Variants in TIPRL observed in about 807,000 individuals in gnomAD.
TIPRL encodes TOR signaling pathway regulator, also known as TIP41-like protein.
TIPRL carries 10 observed loss-of-function variants against 32.3 expected under a neutral mutation model. The observed-to-expected ratio is 0.31, with a 90% confidence interval of 0.19 to 0.52. The LOEUF (loss-of-function observed/expected upper bound fraction) is 0.52, where lower values mean the gene tolerates loss of function less well. TIPRL is among the 20% of genes least tolerant of loss of function. The probability of loss-of-function intolerance (pLI) is 0.96; values close to 1 mark genes in which losing one functional copy is unlikely to be tolerated. For missense variants in TIPRL, 250 were observed against 328.1 expected (o/e 0.76, Z 1.84); for synonymous variants, 100 against 114.0 (o/e 0.88, Z 0.78).
intron 3 of TIPRL, 111 bp downstream of exon 3, chr1:168,184,989 T>C (rs1379297720): frequency 1.2e-5 from 8 of 657,296 alleles, no homozygotes; most frequent in Admixed American, 3.0e-5. Context: ...GTCCTTGTTT[T>C]CTGTTGTGGC....
chr1:168,200,134 C>T lies in TIPRL; in HGVS notation c.*88C>T, dbSNP rs191274194. 7.0e-6 allele frequency: 10 copies of T among 1,420,162 alleles called. No individual in the cohort carries two copies. In the East Asian group the frequency reaches 1.9e-4, roughly 27 times the overall value. The allele number at this position is 1,420,162 out of a possible 1,614,324, so 88.0% of individuals were successfully genotyped here. A position where few individuals can be genotyped will look rare whatever the true frequency, so the allele number is the denominator to read the frequency against. On this transcript the variant is annotated 3_prime_UTR_variant, in exon 7 of 7. Coordinates refer to ENST00000367833, the MANE Select transcript of TIPRL (RefSeq NM_152902.5). ...TTATTTTTATTATGAGAATTAATTG[C>T]CTTGTTTATGTACAGATTTTCTGTA...
intron 2 of TIPRL, among the ~76,000 whole-genome samples, chr1:168,184,522 T>C (rs1700004506): frequency 6.6e-6 from 1 of 152,216 alleles, no homozygotes; most frequent in East Asian, 1.9e-4. Context: ...GTACCTTAGA[T>C]GATACAAATA....
At chr1:168,199,768 AT>A in intron 6 of TIPRL, 134 bp from the exon 7 acceptor site, 1 of 742,548 alleles carries the variant, frequency 1.3e-6, no homozygotes, top group Middle Eastern at 3.4e-4. Context: ...AATACCTATT[AT>A]TTTTAGGAGC....
intron 4 of TIPRL, chr1:168,192,407 T>C: frequency 2.0e-6 from 2 of 1,011,776 alleles, no homozygotes; most frequent in Non-Finnish European, 2.4e-6. Context: ...ATAACAAGTA[T>C]GGTTATTCAT....
Position 168,200,185 on chromosome 1 carries a change from T to A in TIPRL, c.*139T>A. 4.4e-6 allele frequency: 4 copies of A among 903,862 alleles called. No individual in the cohort carries two copies. The highest frequency in any genetic ancestry group is 6.4e-6 in the Non-Finnish European group (4 of 626,952). The allele number at this position is 903,862 out of a possible 1,614,324, so 56.0% of individuals were successfully genotyped here. ...GCCTTAAAGGAAAAAAAAATAAAGA[T>A]CGTTACAGGCAGGTTTCACTCAACT... On this transcript the variant is annotated 3_prime_UTR_variant, in exon 7 of 7. Coordinates refer to ENST00000367833, the MANE Select transcript of TIPRL (RefSeq NM_152902.5).
In TIPRL at chr1:168,198,596, T is replaced by C. The variant is rs541885965; in HGVS notation, c.613-323T>C. On this transcript the variant is annotated intron_variant, in intron 5 of 6. Transcript: ENST00000367833. ...TGAAGTAATTTTAAAATCTCTTGCA[T>C]ATTTCATTTATACAAATTCATTATA... 5.9e-5 allele frequency among the ~76,000 whole-genome samples: 9 copies of C among 152,348 alleles called. No homozygotes were observed. The South Asian group carries it at 1.7e-3, about 28-fold the overall frequency.
chr1:168,200,642 A>G lies in TIPRL; in HGVS notation c.*596A>G, dbSNP rs1400589088. On this transcript the variant is annotated 3_prime_UTR_variant, in exon 7 of 7. Transcript: ENST00000367833. ...AAAATTTAGACTTAGTACCAGAACC[A>G]AAAATACCTAGATTTTTGGAGAACT... The G allele has an allele frequency of 2.0e-5, 3 of 152,198 alleles. No individual in the cohort carries two copies. The East Asian group carries it at 5.8e-4, about 29-fold the overall frequency. The allele number at this position is 152,198 out of a possible 1,614,324, so 9.4% of individuals were successfully genotyped here.
intron 4 of TIPRL, among the ~76,000 whole-genome samples, chr1:168,194,077 A>G (rs1254740965): frequency 6.6e-6 from 1 of 152,216 alleles, no homozygotes; most frequent in Non-Finnish European, 1.5e-5. Context: ...GAAAAAGTAT[A>G]ATCTTTCCTT....
chr1:168,191,162 A>G (rs1450204768), intron 3 of TIPRL, among the ~76,000 whole-genome samples: 1 of 152,172 alleles, frequency 6.6e-6, no homozygotes, highest in Non-Finnish European at 1.5e-5. Flanking sequence ...AAGCTATAAT[A>G]TTGGGCATCT....
chr1:168,192,841 G>C (rs540275621), intron 4 of TIPRL, among the ~76,000 whole-genome samples: 11 of 150,124 alleles, frequency 7.3e-5, no homozygotes, highest in Admixed American at 2.7e-4. Context: ...AGCCGAGATC[G>C]TGCCACTGCA....
At chr1:168,194,432 T>C (rs1033566206) in intron 4 of TIPRL, among the ~76,000 whole-genome samples, 21 of 152,228 alleles carry the variant, frequency 1.4e-4, no homozygotes, top group African/African-American at 5.1e-4. Flanking sequence ...AGTTCTGGTC[T>C]CCTAATTCCT....
chr1:168,183,806 A>G (rs1432917489), intron 1 of TIPRL, 96 bp from the exon 2 acceptor site: 7 of 1,309,922 alleles, frequency 5.3e-6, no homozygotes, highest in African/African-American at 1.5e-5. Context: ...TGTGTAACTC[A>G]TTCAGCAAGT....
chr1:168,179,092 C>T lies in TIPRL; in HGVS notation c.15C>T (p.Gly5=). Residue 5 remains glycine, a synonymous_variant, in exon 1 of 7, where the codon GGC becomes GGT. Transcript: ENST00000367833. ...CTGCCTCAGCCATGATGATCCACGGCTTCCAGAGCAGCCACCGGGATTTCT... is the reference window on the plus strand; with the variant it reads ...CTGCCTCAGCCATGATGATCCACGGTTTCCAGAGCAGCCACCGGGATTTCT... The part of the protein sequence containing the change: MMIH[G]FQSSHRDFCF... 2 of 1,613,844 alleles carry T rather than the reference C, an allele frequency of 1.2e-6. No individual in the cohort carries two copies. The highest frequency in any genetic ancestry group is 1.7e-6 in the Non-Finnish European group (2 of 1,179,858).
At chr1:168,188,100 A>G (rs1425944410) in intron 3 of TIPRL, among the ~76,000 whole-genome samples, 1 of 152,240 alleles carries the variant, frequency 6.6e-6, no homozygotes, top group Non-Finnish European at 1.5e-5. Flanking sequence ...TATATTATCT[A>G]TGGTATATTA....
At chr1:168,181,546 A>G (rs1004308615) in intron 1 of TIPRL, among the ~76,000 whole-genome samples, 2 of 148,510 alleles carry the variant, frequency 1.3e-5, no homozygotes, top group Non-Finnish European at 3.0e-5. Context: ...CAAATTGCCG[A>G]TTGGTGCAAA....
At chr1:168,181,033 A>G (rs1037806566) in intron 1 of TIPRL, among the ~76,000 whole-genome samples, 10 of 151,770 alleles carry the variant, frequency 6.6e-5, no homozygotes, top group African/African-American at 2.4e-4. Context: ...CCCAGGCTGG[A>G]GTGCAGTGGC....
chr1:168,188,549 AT>A (rs1572432683), intron 3 of TIPRL, among the ~76,000 whole-genome samples: 1 of 151,954 alleles, frequency 6.6e-6, no homozygotes, highest in African/African-American at 2.4e-5. Context: ...TTTTCTTTTG[AT>A]TTTTTTTCTC....
intron 3 of TIPRL, among the ~76,000 whole-genome samples, chr1:168,190,110 G>A (rs957005053): frequency 3.3e-5 from 5 of 152,104 alleles, no homozygotes; most frequent in East Asian, 1.9e-4. Context: ...GGCAGTCCTC[G>A]TTGGCAGACC....
chr1:168,179,336 A>G (rs1158058665), intron 1 of TIPRL, among the ~76,000 whole-genome samples, 155 bp downstream of exon 1: 1 of 152,180 alleles, frequency 6.6e-6, no homozygotes, highest in African/African-American at 2.4e-5. Flanking sequence ...TAAATAATCC[A>G]GTCACACTTC....
Sources: gnomAD v4.1 joint callset for allele counts (sites outside exome capture counted in the v4.1 genomes callset) on GRCh38, gnomAD v4.1.1 for gene constraint, MANE v1.5 for transcripts, NCBI Gene and HGNC (gene_info 2026-07-23, HGNC 2026-07-21) for gene names.